The following RSPO2 variants were observed in gnomAD, a reference collection of about 807,000 sequenced individuals.
The protein encoded by RSPO2 is R-spondin-2.
Under a neutral mutation model 30.9 loss-of-function variants are expected in RSPO2, and 14 were observed. The observed-to-expected ratio is 0.45, with a 90% CI of 0.30 to 0.71. The LOEUF (loss-of-function observed/expected upper bound fraction) is 0.71. Ranked by LOEUF, RSPO2 falls within the 30% of genes least tolerant of loss-of-function variation. The pLI, the probability that RSPO2 is intolerant of heterozygous loss-of-function variation, is 0.08. For missense variants in RSPO2, 264 were observed against 301.9 expected, an observed-to-expected ratio of 0.87 and a Z score of 0.93; for synonymous variants, 107 against 96.4, an observed-to-expected ratio of 1.11 and a Z score of -0.64.
At chr8:108,016,191 G>T (rs975390499) in intron 2 of RSPO2, among the ~76,000 whole-genome samples, 10 of 152,170 alleles carry the variant, frequency 6.6e-5, no homozygotes, top group African/African-American at 2.4e-4. Context: ...CTGGCATATA[G>T]GGTCTCAAAT....
chr8:107,963,773 CAAA>C (rs1813709456), intron 3 of RSPO2, among the ~76,000 whole-genome samples: 1 of 151,906 alleles, frequency 6.6e-6, no homozygotes, highest in Non-Finnish European at 1.5e-5. Context: ...TAAGTTTACT[CAAA>C]AAAGTGCCAC....
At chr8:108,067,504 T>C (rs1182964881) in intron 2 of RSPO2, among the ~76,000 whole-genome samples, 1 of 152,206 alleles carries the variant, frequency 6.6e-6, no homozygotes, top group African/African-American at 2.4e-5. Context: ...TGTCAATATT[T>C]GTTCAGCCTG....
At chr8:108,064,956 T>C (rs1012830257) in intron 2 of RSPO2, among the ~76,000 whole-genome samples, 2 of 151,826 alleles carry the variant, frequency 1.3e-5, no homozygotes, top group African/African-American at 4.8e-5. Context: ...TCACTCATAG[T>C]TGGGAACTGA....
chr8:107,993,939 C>T (rs1455625820), intron 2 of RSPO2, among the ~76,000 whole-genome samples: 1 of 152,062 alleles, frequency 6.6e-6, no homozygotes, highest in Non-Finnish European at 1.5e-5. Flanking sequence ...ATCTTTATCC[C>T]ATAATCCCAT....
At chr8:108,019,768 A>G (rs1054189253) in intron 2 of RSPO2, among the ~76,000 whole-genome samples, 12 of 152,184 alleles carry the variant, frequency 7.9e-5, no homozygotes, top group Non-Finnish European at 5.9e-5. Flanking sequence ...AATAATAGTG[A>G]CATTTTTCTG....
At chr8:107,977,525 G>A (rs778259537) in intron 3 of RSPO2, among the ~76,000 whole-genome samples, 3 of 152,118 alleles carry the variant, frequency 2.0e-5, no homozygotes, top group Non-Finnish European at 4.4e-5. Context: ...ATGGAGATGG[G>A]ATAATGATTA....
chr8:107,934,374 T>C (rs983770883), intron 5 of RSPO2, among the ~76,000 whole-genome samples: 9 of 23,168 alleles, frequency 3.9e-4, no homozygotes, highest in South Asian at 4.9e-3. Flanking sequence ...CATTTCCCTT[T>C]TTTTTTTTTT....
intron 5 of RSPO2, among the ~76,000 whole-genome samples, chr8:107,905,597 C>T (rs182816096): frequency 6.6e-6 from 1 of 152,126 alleles, no homozygotes; most frequent in African/African-American, 2.4e-5. Flanking sequence ...GAAATCACCT[C>T]AGAGAGATTC....
chr8:108,018,806 G>A (rs954337736), intron 2 of RSPO2, among the ~76,000 whole-genome samples: 1 of 152,070 alleles, frequency 6.6e-6, no homozygotes, highest in Admixed American at 6.6e-5. Context: ...CCAGTACTCC[G>A]AATTTCATAT....
chr8:107,977,351 G>T (rs1814252787), intron 3 of RSPO2, among the ~76,000 whole-genome samples: 1 of 152,146 alleles, frequency 6.6e-6, no homozygotes, highest in African/African-American at 2.4e-5. Flanking sequence ...AAATTCTCGG[G>T]CTCCATCTCA....
At chr8:107,999,059 C>T (rs922019823) in intron 2 of RSPO2, among the ~76,000 whole-genome samples, 7 of 152,054 alleles carry the variant, frequency 4.6e-5, no homozygotes, top group Non-Finnish European at 1.0e-4. Context: ...ATAAAAATAA[C>T]CCATATTTTC....
intron 5 of RSPO2, among the ~76,000 whole-genome samples, chr8:107,911,974 G>A (rs1230653194): frequency 1.3e-5 from 2 of 152,072 alleles, no homozygotes; most frequent in Non-Finnish European, 2.9e-5. Flanking sequence ...GATCCCTGAT[G>A]GGCCTGGCCT....
chr8:107,958,016 T>C, intron 5 of RSPO2, 64 bp downstream of exon 5: 6 of 1,066,748 alleles, frequency 5.6e-6, no homozygotes, highest in Non-Finnish European at 1.3e-6. Context: ...GAAGGGAAGG[T>C]GGTTAGGAAG....
chr8:108,019,598 G>GT (rs1205943666), intron 2 of RSPO2, among the ~76,000 whole-genome samples: 2 of 151,970 alleles, frequency 1.3e-5, no homozygotes, highest in Non-Finnish European at 2.9e-5. Context: ...TAATGGTTTT[G>GT]TTTTTTTAAA....
intron 4 of RSPO2, 142 bp from the exon 5 acceptor site, chr8:107,958,410 G>C (rs1490603211): frequency 7.9e-6 from 5 of 632,410 alleles, no homozygotes; most frequent in Non-Finnish European, 1.4e-5. Context: ...GTACAGCCTT[G>C]AAGACCTATA....
chr8:108,069,634 C>T (rs757127002), intron 2 of RSPO2, among the ~76,000 whole-genome samples: 3 of 152,136 alleles, frequency 2.0e-5, no homozygotes, highest in Admixed American at 2.0e-4. Context: ...TCCTAAATGT[C>T]CTGTTCAACT....
intron 2 of RSPO2, among the ~76,000 whole-genome samples, chr8:108,040,887 T>C (rs1454262260): frequency 1.3e-5 from 2 of 152,108 alleles, no homozygotes; most frequent in Non-Finnish European, 2.9e-5. Context: ...TTTGAAGATG[T>C]CAAATTGCCA....
At chr8:107,943,703 T>C (rs1811934533) in intron 5 of RSPO2, among the ~76,000 whole-genome samples, 1 of 152,234 alleles carries the variant, frequency 6.6e-6, no homozygotes, top group African/African-American at 2.4e-5. Flanking sequence ...TAAGTCAATC[T>C]GCACACTTAG....
chr8:108,043,421 T>C (rs1012029117), intron 2 of RSPO2, among the ~76,000 whole-genome samples: 12 of 152,104 alleles, frequency 7.9e-5, no homozygotes, highest in Non-Finnish European at 5.9e-5. Context: ...AGGTAAAGGA[T>C]TACATTTCAT....
Sources: gnomAD v4.1 joint callset for allele counts (sites outside exome capture counted in the v4.1 genomes callset) on GRCh38, gnomAD v4.1.1 for gene constraint, MANE v1.5 for transcripts, NCBI Gene and HGNC (gene_info 2026-07-23, HGNC 2026-07-21) for gene names.